TBC1D1: variants seen among roughly 807,000 people sequenced by gnomAD.
The protein encoded by TBC1D1 is TBC1 domain family member 1.
TBC1D1 carries 89 observed loss-of-function variants against 125.6 expected under a neutral mutation model. The observed-to-expected ratio is 0.71, with a 90% CI of 0.60 to 0.85. The LOEUF (loss-of-function observed/expected upper bound fraction) is 0.85, where lower values mean the gene tolerates loss of function less well. Among genes scored for constraint, TBC1D1 ranks in the 40% least tolerant of loss-of-function variants. TBC1D1 has a pLI of 0.00. For missense variants in TBC1D1, 1,377 were observed against 1,469.2 expected (o/e 0.94, Z 1.03); for synonymous variants, 565 against 564.1 (o/e 1.00, Z -0.02).
intron 3 of TBC1D1, among the ~76,000 whole-genome samples, chr4:38,016,729 A>T (rs977659721): frequency 1.3e-5 from 2 of 152,182 alleles, no homozygotes; most frequent in African/African-American, 4.8e-5. Flanking sequence ...GAAAACAAGG[A>T]AGGATGGTGC....
chr4:38,111,668 T>G (rs1277689191), intron 15 of TBC1D1, among the ~76,000 whole-genome samples: 1 of 152,176 alleles, frequency 6.6e-6, no homozygotes, highest in South Asian at 2.1e-4. Flanking sequence ...CTTGCACAGA[T>G]CTATAGTAGG....
At chr4:38,015,443 A>C (rs1470634279) in intron 3 of TBC1D1, among the ~76,000 whole-genome samples, 1 of 151,652 alleles carries the variant, frequency 6.6e-6, no homozygotes, top group Non-Finnish European at 1.5e-5. Context: ...TGAAATATTA[A>C]TTTAGCCAAT....
At chr4:38,081,501 G>T (rs1756550697) in intron 12 of TBC1D1, among the ~76,000 whole-genome samples, 1 of 152,068 alleles carries the variant, frequency 6.6e-6, no homozygotes, top group African/African-American at 2.4e-5. Flanking sequence ...TTTCTTCATA[G>T]AACAGGTTTC....
chr4:38,006,719 T>A, intron 2 of TBC1D1: 1 of 364,508 alleles, frequency 2.7e-6, no homozygotes, highest in Non-Finnish European at 5.3e-6. Flanking sequence ...GACCTTGTGA[T>A]CCGCCCACCT....
At chr4:38,099,274 A>G (rs773874105) in intron 14 of TBC1D1, among the ~76,000 whole-genome samples, 1 of 152,242 alleles carries the variant, frequency 6.6e-6, no homozygotes, top group African/African-American at 2.4e-5. Context: ...AAATGACACC[A>G]TAAGTAGATC....
intron 2 of TBC1D1, among the ~76,000 whole-genome samples, chr4:37,931,097 TTTTG>T (rs58653315): frequency 1.1e-3 from 171 of 150,598 alleles, no homozygotes; most frequent in African/African-American, 3.7e-3. Context: ...GTTTTTGTTG[TTTTG>T]TTTGTTTGTT....
intron 2 of TBC1D1, among the ~76,000 whole-genome samples, chr4:37,990,582 C>G (rs538348331): frequency 5.9e-5 from 9 of 152,258 alleles, no homozygotes; most frequent in Non-Finnish European, 5.9e-5. Context: ...AGCCTTCTTA[C>G]GGTTCCAGAA....
intron 15 of TBC1D1, chr4:38,111,901 C>CA: frequency 1.0e-6 from 1 of 985,052 alleles, no homozygotes; most frequent in Non-Finnish European, 1.2e-6. Flanking sequence ...GCCAGAGACT[C>CA]ACAGCTGTTC....
chr4:38,107,606 A>G (rs1046683632), intron 15 of TBC1D1, among the ~76,000 whole-genome samples: 1 of 68,050 alleles, frequency 1.5e-5, no homozygotes, highest in South Asian at 4.8e-4. Flanking sequence ...TTTTTTGGCA[A>G]TGTGTTTTCC....
intron 11 of TBC1D1, among the ~76,000 whole-genome samples, chr4:38,052,728 G>GCGCGCGCACA (rs1491148206): frequency 6.8e-5 from 8 of 118,344 alleles, no homozygotes; most frequent in African/African-American, 2.8e-4. Flanking sequence ...GCGCGCGCGC[G>GCGCGCGCACA]CACACACACA....
intron 2 of TBC1D1, chr4:38,006,963 G>T: frequency 2.3e-6 from 1 of 431,762 alleles, no homozygotes; most frequent in Non-Finnish European, 4.6e-6. Flanking sequence ...CCAGTCATAA[G>T]TCTCCTTCTT....
intron 8 of TBC1D1, among the ~76,000 whole-genome samples, chr4:38,039,455 C>T (rs1246995743): frequency 6.6e-6 from 1 of 152,052 alleles, no homozygotes; most frequent in African/African-American, 2.4e-5. Flanking sequence ...TTCCACTTAG[C>T]ATAACGTTTC....
chr4:37,994,575 C>A (rs1737349438), intron 2 of TBC1D1, among the ~76,000 whole-genome samples: 1 of 152,180 alleles, frequency 6.6e-6, no homozygotes, highest in African/African-American at 2.4e-5. Context: ...AAGAGTGGAG[C>A]TAATGCCTCT....
chr4:38,052,728 GCACACA>G (rs56153191), intron 11 of TBC1D1, among the ~76,000 whole-genome samples: 13,650 of 118,054 alleles, frequency 0.12, 840 homozygotes, highest in Admixed American at 0.17. Context: ...GCGCGCGCGC[GCACACA>G]CACACACACA....
chr4:38,087,845 CAAAA>C (rs1215951890), intron 12 of TBC1D1, among the ~76,000 whole-genome samples: 5 of 67,880 alleles, frequency 7.4e-5, no homozygotes, highest in Non-Finnish European at 8.8e-5. Flanking sequence ...GATTCCGTCT[CAAAA>C]AAAAAAAAAA....
Position 38,018,391 on chromosome 4 carries a change from C to A in TBC1D1, c.920C>A (p.Thr307Asn). 1.2e-6 allele frequency: 2 copies of A among 1,611,012 alleles called. No individual in the cohort carries two copies. Among genetic ancestry groups the A allele is most frequent in the Non-Finnish European group, 1.7e-6 (2 of 1,178,920 alleles). ...GAAGTTTACCTCATCAGTCCTGACACCAAAAAAATAGCATTGGAGAAAAAT... is the reference window on the plus strand; with the variant it reads ...GAAGTTTACCTCATCAGTCCTGACAACAAAAAAATAGCATTGGAGAAAAAT... The change falls in exon 4 of 20, where the codon ACC becomes AAC. Residue 307 changes from threonine (T) to asparagine (N), a missense_variant. Thr to Asn is a moderately conservative substitution (Grantham distance 65). This residue lies in a region of TBC1D1 where 822 missense variants were observed against 824.6 expected (regional missense o/e 1.00). Coordinates refer to ENST00000261439, the MANE Select transcript of TBC1D1 (RefSeq NM_015173.4).
chr4:37,895,052 C>G (rs1714246616), intron 1 of TBC1D1, among the ~76,000 whole-genome samples: 1 of 152,212 alleles, frequency 6.6e-6, no homozygotes, highest in Non-Finnish European at 1.5e-5. Flanking sequence ...AGATATTGCT[C>G]TAGCAAAGTG....
chr4:37,906,144 CT>C (rs1717262942), intron 2 of TBC1D1, among the ~76,000 whole-genome samples: 1 of 149,746 alleles, frequency 6.7e-6, no homozygotes, highest in African/African-American at 2.5e-5. Context: ...CTCGTCCCTT[CT>C]TTTTCTTTTC....
rs1297046110 is a variant in TBC1D1 at position 37,959,341 on chromosome 4, G to A, written c.418-55168G>A. ...CACAATAAAGTAAGCTGAAGAAAAT[G>A]TTATTAAGAAAAATCATAAGGAAGA... On this transcript the variant is annotated intron_variant, in intron 2 of 19. Coordinates refer to ENST00000261439, the MANE Select transcript of TBC1D1 (RefSeq NM_015173.4). Among the ~76,000 whole-genome samples the A allele has an allele frequency of 2.6e-5, 4 of 152,182 alleles. No homozygotes were observed. The East Asian group carries it at 7.7e-4, about 29-fold the overall frequency.
Sources: allele counts gnomAD v4.1 joint callset (sites outside exome capture counted in the v4.1 genomes callset), GRCh38; gene constraint gnomAD v4.1.1; regional missense constraint gnomAD v4.1.1; transcripts MANE v1.5; gene names NCBI Gene and HGNC (gene_info 2026-07-23, HGNC 2026-07-21).